IPO5: variants seen among roughly 807,000 people sequenced by gnomAD.
IPO5 encodes importin-5.
In IPO5, 18 loss-of-function variants were observed where a neutral mutation model predicts 143.3. The ratio of observed to expected loss-of-function variants is 0.13; its 90% CI spans 0.09 to 0.19. IPO5 has a LOEUF of 0.19. IPO5 is among the 10% of genes least tolerant of loss of function. IPO5 has a pLI of 1.00. For missense variants in IPO5, 1,013 were observed against 1,336.9 expected (o/e 0.76, Z 3.78); for synonymous variants, 477 against 465.7 (o/e 1.02, Z -0.31).
At chr13:98,009,493 C>G (rs1405443747) in intron 18 of IPO5, among the ~76,000 whole-genome samples, 1 of 152,116 alleles carries the variant, frequency 6.6e-6, no homozygotes, top group Non-Finnish European at 1.5e-5. Flanking sequence ...GATACAGAGT[C>G]AGATAAAATA....
In IPO5 at chr13:97,969,153, G is replaced by GTATATA. The variant is rs1210544640; in HGVS notation, c.-112-552_-112-547dup. 8.1e-3 allele frequency among the ~76,000 whole-genome samples: 515 copies of GTATATA among 63,346 alleles called. 10 individuals carry two copies. Among genetic ancestry groups the GTATATA allele is most frequent in the Non-Finnish European group, 0.011 (360 of 34,168 alleles). The allele number at this position is 63,346 out of a possible 152,430, so 41.6% of individuals were successfully genotyped here. On this transcript the variant is annotated intron_variant, in intron 2 of 28. Coordinates refer to ENST00000651721, the MANE Select transcript of IPO5 (RefSeq NM_002271.6). ...CTTAGAAATGAAATCTTTCTGCTAA[G>GTATATA]TATATATATATATATATATATATTT...
chr13:97,993,246 T>C (rs747774736), intron 11 of IPO5, 21 bp downstream of exon 11: 3 of 1,610,614 alleles, frequency 1.9e-6, no homozygotes, highest in African/African-American at 1.3e-5. Flanking sequence ...GGTCTTCAGA[T>C]AGTTTATGTG....
At position 97,990,221 on chromosome 13, in the gene IPO5, C is replaced by T. The variant is rs754499577; in HGVS notation, c.563C>T (p.Ser188Leu). ...VQCMQDQEHPSIRTLSARATA... is the reference protein window; with the variant it reads ...VQCMQDQEHPLIRTLSARATA... ...TGTATGCAAGATCAGGAACACCCGT[C>T]GGTAAATAATTTCAATCCTATTAAT... Residue 188 changes from serine (S) to leucine (L), a missense_variant and splice_region_variant, in exon 8 of 29, where the codon TCG (serine) becomes TTG (leucine). By Grantham distance (145) the Ser-to-Leu change is moderately radical. This residue lies in a region of IPO5 where 328 missense variants were observed against 342.0 expected (regional missense o/e 0.96). Coordinates refer to ENST00000651721, the MANE Select transcript of IPO5 (RefSeq NM_002271.6). The T allele has an allele frequency of 1.7e-5, 27 of 1,583,816 alleles. No homozygotes were observed. The highest frequency in any genetic ancestry group is 9.0e-5 in the East Asian group (4 of 44,684).
intron 4 of IPO5, among the ~76,000 whole-genome samples, chr13:97,977,559 G>A (rs1651303268): frequency 6.6e-6 from 1 of 152,202 alleles, no homozygotes; most frequent in Non-Finnish European, 1.5e-5. Context: ...AGTACCATAT[G>A]TTTAAGTCTT....
In IPO5 at chr13:97,997,599, G is replaced by C; in HGVS notation, c.982G>C (p.Glu328Gln). ...DEDWANADEL[E>Q]DDDFDSNAVA... is the part of the protein sequence containing the mutation. ...GGACTGGGCAAATGCAGATGAACTAGAAGATGATGATTTTGACAGGTAATC... is the reference window on the plus strand; with the variant it reads ...GGACTGGGCAAATGCAGATGAACTACAAGATGATGATTTTGACAGGTAATC... The change falls in exon 12 of 29, where the codon GAA becomes CAA. Residue 328 changes from glutamate to glutamine, a missense_variant. By Grantham distance (29) the Glu-to-Gln change is conservative. Around this residue, in one of 2 missense-constraint regions of IPO5, gnomAD observed 685 missense variants for 994.9 expected, o/e 0.69. Transcript: ENST00000651721. 1 of 1,608,278 alleles carries C rather than the reference G, an allele frequency of 6.2e-7. No homozygotes were observed. Among genetic ancestry groups the C allele is most frequent in the Non-Finnish European group, 8.5e-7 (1 of 1,175,190 alleles).
At chr13:97,954,470 T>A (rs977088160) in intron 2 of IPO5, among the ~76,000 whole-genome samples, 1 of 152,226 alleles carries the variant, frequency 6.6e-6, no homozygotes, top group Non-Finnish European at 1.5e-5. Context: ...ATTTAAAATC[T>A]TTAGAGTATC....
intron 6 of IPO5, 65 bp from the exon 7 acceptor site, chr13:97,988,997 A>C: frequency 1.2e-6 from 1 of 859,966 alleles, no homozygotes; most frequent in East Asian, 2.5e-5. Flanking sequence ...AAATGAAAGG[A>C]TTTACTCCTA....
rs746520543 is a variant in IPO5, at chr13:98,019,572, TTA to T, written c.2837-7_2837-6del. The stretch of plus-strand genomic sequence containing the variant: ...TTTTAGCTGAACTTCTTTCAAATGC[TTA>T]TTTTAGAAGCACTTCCCCTGCTGGT... On this transcript the variant is annotated splice_polypyrimidine_tract_variant and splice_region_variant and intron_variant, in intron 26 of 28. Coordinates refer to ENST00000651721, the MANE Select transcript of IPO5 (RefSeq NM_002271.6). 6.3e-7 allele frequency: 1 copy of T among 1,596,984 alleles called. No individual in the cohort carries two copies. Among genetic ancestry groups the T allele is most frequent in the Non-Finnish European group, 8.6e-7 (1 of 1,166,032 alleles).
Position 98,022,268 on chromosome 13 carries a change from A to G in IPO5, c.*446A>G, listed in dbSNP as rs1404801905. ...TAGGGTAGAAAGAAGCCTCCTACCC[A>G]GCAAACCAGTAGACCCAAAAGTTGA... On this transcript the variant is annotated 3_prime_UTR_variant, in exon 29 of 29. Transcript: ENST00000651721. The G allele has an allele frequency of 6.5e-6, 1 of 152,722 alleles. No individual in the cohort carries two copies. Among genetic ancestry groups the G allele is most frequent in the Non-Finnish European group, 1.5e-5 (1 of 68,328 alleles). The allele number at this position is 152,722 out of a possible 1,614,324, so 9.5% of individuals were successfully genotyped here.
intron 27 of IPO5, 108 bp downstream of exon 27, chr13:98,019,917 C>A: frequency 1.4e-6 from 1 of 694,028 alleles, no homozygotes; most frequent in Non-Finnish European, 2.5e-6. Context: ...TCTGCACAGT[C>A]CTCAGTTGTA....
chr13:97,975,853 G>T, intron 3 of IPO5: 5 of 937,988 alleles, frequency 5.3e-6, no homozygotes, highest in Non-Finnish European at 6.4e-6. Context: ...CGGCCTGGCG[G>T]GACAGCCCCG....
chr13:97,978,004 T>C (rs1264717778), intron 4 of IPO5, among the ~76,000 whole-genome samples: 1 of 152,242 alleles, frequency 6.6e-6, no homozygotes, highest in African/African-American at 2.4e-5. Context: ...TTTGAATAGA[T>C]GGTGGATATG....
Position 98,021,853 on chromosome 13 carries a change from A to G in IPO5, c.*31A>G. 6.9e-7 allele frequency: 1 copy of G among 1,456,178 alleles called. No homozygotes were observed. The allele number at this position is 1,456,178 out of a possible 1,614,324, so 90.2% of individuals were successfully genotyped here. A position where few individuals can be genotyped will look rare whatever the true frequency, so the allele number is the denominator to read the frequency against. On this transcript the variant is annotated 3_prime_UTR_variant, in exon 29 of 29. Coordinates refer to ENST00000651721, the MANE Select transcript of IPO5 (RefSeq NM_002271.6). The stretch of plus-strand genomic sequence containing the variant: ...CTTAATGTCACCCACCAGAAAACTA[A>G]CTCCAAATAAACGCTTACCCTTTCC...
In IPO5 at chr13:98,014,122, A is replaced by T. The variant is rs766226399; in HGVS notation, c.2233A>T (p.Met745Leu). The change falls in exon 22 of 29, where the codon ATG becomes TTG. Residue 745 changes from methionine (M) to leucine (L), a missense_variant. Coordinates refer to ENST00000651721, the MANE Select transcript of IPO5 (RefSeq NM_002271.6). Reference sequence around the variant, plus strand: ...CCGTGGTCCTGAGTATCTCACACAGATGTGGCATTTTATGTGTGATGCTCT... The same window carrying T: ...CCGTGGTCCTGAGTATCTCACACAGTTGTGGCATTTTATGTGTGATGCTCT... ...RVRGPEYLTQ[M>L]WHFMCDALIK... is the part of the protein sequence containing the mutation. 1 of 1,613,776 alleles carries T rather than the reference A, an allele frequency of 6.2e-7. No homozygotes were observed. The highest frequency in any genetic ancestry group is 1.1e-5 in the South Asian group (1 of 91,064).
At chr13:97,983,280 T>TA (rs1887011476) in intron 5 of IPO5, among the ~76,000 whole-genome samples, 2 of 146,366 alleles carry the variant, frequency 1.4e-5, no homozygotes, top group African/African-American at 5.6e-5. Flanking sequence ...TGAAAAAATA[T>TA]TTTTTTCCCA....
At chr13:97,973,146 G>A (rs1037652791) in intron 3 of IPO5, among the ~76,000 whole-genome samples, 9 of 145,602 alleles carry the variant, frequency 6.2e-5, no homozygotes, top group Non-Finnish European at 8.9e-5. Flanking sequence ...GGGTTCAAGC[G>A]ATTCTCCTGC....
chr13:97,963,017 G>A (rs1180830961), intron 2 of IPO5: 1 of 152,168 alleles, frequency 6.6e-6, no homozygotes, highest in African/African-American at 2.4e-5. Context: ...CTGTGGTCTT[G>A]TAGCAGAATT....
chr13:98,016,564 C>T (rs1734594201), intron 24 of IPO5, among the ~76,000 whole-genome samples, 165 bp from the exon 25 acceptor site: 1 of 152,100 alleles, frequency 6.6e-6, no homozygotes, highest in Non-Finnish European at 1.5e-5. Flanking sequence ...GACATGATAA[C>T]CCACACTTGA....
intron 12 of IPO5, among the ~76,000 whole-genome samples, chr13:97,998,780 A>G (rs889870046): frequency 2.6e-5 from 4 of 152,180 alleles, no homozygotes; most frequent in African/African-American, 9.7e-5. Flanking sequence ...GTAGCCAGTT[A>G]ATGGACTGGG....
Sources: allele counts gnomAD v4.1 joint callset (sites outside exome capture counted in the v4.1 genomes callset), GRCh38; gene constraint gnomAD v4.1.1; regional missense constraint gnomAD v4.1.1; transcripts MANE v1.5; gene names NCBI Gene and HGNC (gene_info 2026-07-23, HGNC 2026-07-21).